The following ELAVL4 variants were observed in gnomAD, a reference collection of about 807,000 sequenced individuals.
ELAVL4 encodes the protein ELAV like RNA binding protein 4.
A neutral mutation model predicts 35.6 loss-of-function variants in ELAVL4; 1 was observed. That is an observed-to-expected ratio of 0.03 (90% CI 0.01 to 0.13). ELAVL4 has a LOEUF of 0.13. ELAVL4 is among the 10% of genes least tolerant of loss of function. ELAVL4 has a pLI of 1.00. For synonymous variants in ELAVL4, 156 were observed against 171.0 expected (o/e 0.91, Z 0.69); for missense variants, 267 against 464.9 (o/e 0.57, Z 3.91).
chr1:50,196,062 A>T (rs895402963), intron 5 of ELAVL4, among the ~76,000 whole-genome samples: 2 of 152,262 alleles, frequency 1.3e-5, no homozygotes, highest in African/African-American at 2.4e-5. Context: ...CCAAACATGA[A>T]GGTTCAGTTT....
chr1:50,171,881 A>G (rs1198135929), intron 2 of ELAVL4, among the ~76,000 whole-genome samples: 1 of 152,190 alleles, frequency 6.6e-6, no homozygotes, highest in African/African-American at 2.4e-5. Context: ...TATGTGGATT[A>G]CTGCCATGCA....
At chr1:50,200,788 C>T (rs1242903358) in intron 6 of ELAVL4, 63 bp from the exon 7 acceptor site, 2 of 1,578,074 alleles carry the variant, frequency 1.3e-6, no homozygotes, top group Non-Finnish European at 1.7e-6. Flanking sequence ...GTCTGTGCAT[C>T]TGTGTGTTAT....
intron 1 of ELAVL4, among the ~76,000 whole-genome samples, chr1:50,093,605 T>C (rs994712844): frequency 2.0e-5 from 3 of 152,196 alleles, no homozygotes; most frequent in African/African-American, 7.2e-5. Context: ...CCTTGCACTC[T>C]CAAAAATATC....
chr1:50,056,805 G>T (rs1056048089), intron 1 of ELAVL4, among the ~76,000 whole-genome samples: 3 of 151,876 alleles, frequency 2.0e-5, no homozygotes, highest in Admixed American at 6.6e-5. Flanking sequence ...GGTGGCGGGC[G>T]CCTCTAGTCC....
Position 50,177,083 on chromosome 1 carries a change from C to T in ELAVL4, c.251-6C>T. ...CTTTCTCTCTCTCTTTTTAATATTT[C>T]CACAGGACAGAGTTTAGGGTATGGA... is the stretch of plus-strand genomic sequence containing the variant. On this transcript the variant is annotated splice_region_variant and splice_polypyrimidine_tract_variant and intron_variant, in intron 2 of 6. Coordinates refer to ENST00000371824, the MANE Select transcript of ELAVL4 (RefSeq NM_001144774.3). 2 of 1,608,960 alleles carry T rather than the reference C, an allele frequency of 1.2e-6. No individual in the cohort carries two copies. The highest frequency in any genetic ancestry group is 1.7e-6 in the Non-Finnish European group (2 of 1,175,726).
chr1:50,127,194 C>G (rs1033534529), intron 1 of ELAVL4, among the ~76,000 whole-genome samples: 2 of 152,098 alleles, frequency 1.3e-5, no homozygotes, highest in African/African-American at 4.8e-5. Flanking sequence ...GCACCCTGCA[C>G]CTGCCTCTGA....
chr1:50,118,709 C>T (rs1370503557), intron 1 of ELAVL4, among the ~76,000 whole-genome samples: 1 of 151,924 alleles, frequency 6.6e-6, no homozygotes, highest in African/African-American at 2.4e-5. Flanking sequence ...GGACCTGTTG[C>T]TGTGACCTGT....
intron 1 of ELAVL4, among the ~76,000 whole-genome samples, chr1:50,132,447 G>C (rs1237242979): frequency 3.3e-5 from 5 of 152,096 alleles, no homozygotes; most frequent in African/African-American, 1.2e-4. Flanking sequence ...CTTTTAGAAC[G>C]GATCAGTACT....
At chr1:50,048,162 A>T (rs1663165541) in exon 1 of ELAVL4, 1 of 1,521,596 alleles carries the variant, frequency 6.6e-7, no homozygotes, top group Non-Finnish European at 8.8e-7. Context: ...CCCGGCGGGG[A>T]AGATGCGCCT....
At chr1:50,146,904 T>C (rs1370328430) in intron 2 of ELAVL4, among the ~76,000 whole-genome samples, 4 of 152,090 alleles carry the variant, frequency 2.6e-5, no homozygotes, top group Non-Finnish European at 5.9e-5. Flanking sequence ...TGATTCATGG[T>C]GTTGTTCCTT....
intron 2 of ELAVL4, among the ~76,000 whole-genome samples, chr1:50,172,609 A>G (rs942612531): frequency 6.6e-6 from 1 of 152,168 alleles, no homozygotes; most frequent in Non-Finnish European, 1.5e-5. Context: ...ACACAATGGC[A>G]GAGTTGTCAG....
intron 2 of ELAVL4, among the ~76,000 whole-genome samples, chr1:50,163,500 G>A (rs999380304): frequency 6.6e-6 from 1 of 152,152 alleles, no homozygotes; most frequent in African/African-American, 2.4e-5. Context: ...GAATTAAATG[G>A]GAGAACAAAG....
rs376124659 is a variant in ELAVL4, at chr1:50,153,790, G to A, written c.250+8593G>A. On this transcript the variant is annotated intron_variant, in intron 2 of 6. Coordinates refer to ENST00000371824, the MANE Select transcript of ELAVL4 (RefSeq NM_001144774.3). ...TAGGGCCTCTGCAGAAGTAATTAAGGTTAAATGAGGCCATAATGGTAGATC... is the reference window on the plus strand; with the variant it reads ...TAGGGCCTCTGCAGAAGTAATTAAGATTAAATGAGGCCATAATGGTAGATC... 1.2e-4 allele frequency among the ~76,000 whole-genome samples: 18 copies of A among 152,300 alleles called. No homozygotes were observed. The East Asian group carries it at 3.1e-3, about 26-fold the overall frequency.
rs762942843 is a variant in ELAVL4 at position 50,201,046 on chromosome 1, C to T, written c.969C>T (p.Cys323=). Reference sequence around the variant, plus strand: ...TTCGTGACTTCAACACCAACAAGTGCAAGGGATTCGGCTTTGTCACCATGA... The same window carrying T: ...TTCGTGACTTCAACACCAACAAGTGTAAGGGATTCGGCTTTGTCACCATGA... The part of the protein sequence containing the change: ...KVIRDFNTNK[C]KGFGFVTMTN... The change falls in exon 7 of 7, where the codon TGC becomes TGT. Residue 323 remains cysteine, a synonymous_variant. Coordinates refer to ENST00000371824, the MANE Select transcript of ELAVL4 (RefSeq NM_001144774.3). This position sits in a 1 kb window ranked among gnomAD's most constrained non-coding sequence, Gnocchi z 4.3. The T allele has an allele frequency of 6.2e-6, 10 of 1,613,980 alleles. No individual in the cohort carries two copies. In the Middle Eastern group the frequency reaches 4.9e-4, roughly 80 times the overall value.
chr1:50,161,412 A>G (rs749626286), intron 2 of ELAVL4, among the ~76,000 whole-genome samples: 17 of 152,176 alleles, frequency 1.1e-4, no homozygotes, highest in Non-Finnish European at 2.1e-4. Flanking sequence ...TGTATGATAA[A>G]TGCTGAAGGT....
intron 2 of ELAVL4, among the ~76,000 whole-genome samples, chr1:50,156,788 C>G (rs779314439): frequency 6.6e-6 from 1 of 152,118 alleles, no homozygotes; most frequent in Admixed American, 6.5e-5. Context: ...CCAGCTGGGA[C>G]GAGAGACCTT....
chr1:50,090,521 C>A (rs770978951), intron 1 of ELAVL4, among the ~76,000 whole-genome samples: 1 of 152,138 alleles, frequency 6.6e-6, no homozygotes, highest in African/African-American at 2.4e-5. Flanking sequence ...ACAAACAACC[C>A]TGAAATCTCA....
chr1:50,147,390 C>T (rs1162057911), intron 2 of ELAVL4, among the ~76,000 whole-genome samples: 2 of 152,154 alleles, frequency 1.3e-5, no homozygotes, highest in African/African-American at 4.8e-5. Context: ...GAAACTAGTC[C>T]CTGCTGTACC....
At chr1:50,065,484 T>C (rs1427920057) in intron 1 of ELAVL4, among the ~76,000 whole-genome samples, 1 of 152,202 alleles carries the variant, frequency 6.6e-6, no homozygotes, top group Non-Finnish European at 1.5e-5. Context: ...GATTTTATTA[T>C]AATCTATAAA....
Sources: allele counts gnomAD v4.1 joint callset (sites outside exome capture counted in the v4.1 genomes callset), GRCh38; gene constraint gnomAD v4.1.1; non-coding constraint Gnocchi (gnomAD v3.1); transcripts MANE v1.5; gene names NCBI Gene and HGNC (gene_info 2026-07-23, HGNC 2026-07-21).